ADD1: variants seen among roughly 807,000 people sequenced by gnomAD.
ADD1 encodes adducin 1.
Under a neutral mutation model 80.5 loss-of-function variants are expected in ADD1, and 24 were observed. The ratio of observed to expected loss-of-function variants is 0.30; its 90% CI spans 0.22 to 0.42. ADD1 has a LOEUF of 0.42. Among genes scored for constraint, ADD1 ranks in the 10% least tolerant of loss-of-function variants. The probability of loss-of-function intolerance (pLI) is 1.00; values close to 1 mark genes in which losing one functional copy is unlikely to be tolerated. For missense variants in ADD1, 948 were observed against 1,019.0 expected, an observed-to-expected ratio of 0.93 and a Z score of 0.95; for synonymous variants, 373 against 393.8, an observed-to-expected ratio of 0.95 and a Z score of 0.63.
At chr4:2,875,863 A>C in intron 1 of ADD1, 33 bp from the exon 2 acceptor site, 5 of 1,495,150 alleles carry the variant, frequency 3.3e-6, no homozygotes, top group Non-Finnish European at 4.5e-6. Flanking sequence ...CATTGATTTG[A>C]AAACAATAAT....
chr4:2,858,778 G>A (rs1728434013), intron 1 of ADD1, among the ~76,000 whole-genome samples: 1 of 152,174 alleles, frequency 6.6e-6, no homozygotes, highest in Admixed American at 6.5e-5. Context: ...CTTGAAACCA[G>A]GAGTTTGAGA....
chr4:2,926,873 C>G lies in ADD1; in HGVS notation c.2047+761C>G, dbSNP rs368324101. ...AGTGCTGTGCTGCCTTCAGCGGCAG[C>G]GGGTACCTCCACGCACCTAGGTGCC... On this transcript the variant is annotated intron_variant, in intron 15 of 15. Transcript: ENST00000683351. The surrounding 1 kb of genome is among the most constrained non-coding windows in gnomAD (Gnocchi z 5.0). 6.6e-6 allele frequency among the ~76,000 whole-genome samples: 1 copy of G among 152,210 alleles called. No homozygotes were observed. The highest frequency in any genetic ancestry group is 6.5e-5 in the Admixed American group (1 of 15,292).
chr4:2,846,816 T>TAA (rs761045902), intron 1 of ADD1, among the ~76,000 whole-genome samples: 2,049 of 117,558 alleles, frequency 0.017, 53 homozygotes, highest in African/African-American at 0.045. Context: ...TCTGTCTCTT[T>TAA]AAAAAAAAAA....
intron 1 of ADD1, among the ~76,000 whole-genome samples, chr4:2,872,703 T>C (rs1279977781): frequency 6.6e-6 from 1 of 152,046 alleles, no homozygotes; most frequent in Non-Finnish European, 1.5e-5. Context: ...ACTACAGGCG[T>C]GTGCCATCAC....
chr4:2,923,728 G>A (rs1406142386), intron 14 of ADD1, among the ~76,000 whole-genome samples: 13 of 152,268 alleles, frequency 8.5e-5, no homozygotes, highest in Admixed American at 3.9e-4. Flanking sequence ...CCGGGCACAT[G>A]CCCAGTGCTA....
intron 1 of ADD1, among the ~76,000 whole-genome samples, chr4:2,868,439 C>T (rs762891497): frequency 6.6e-6 from 1 of 152,316 alleles, no homozygotes; most frequent in Non-Finnish European, 1.5e-5. Context: ...GTGTCGGAGC[C>T]CCCAAGTCTG....
chr4:2,869,332 G>T (rs1296684309), intron 1 of ADD1, among the ~76,000 whole-genome samples: 1 of 152,152 alleles, frequency 6.6e-6, no homozygotes, highest in African/African-American at 2.4e-5. Flanking sequence ...AGTCCTTGGC[G>T]TTTCTTGGCT....
chr4:2,876,432 C>T (rs559728486), intron 2 of ADD1: 23 of 169,562 alleles, frequency 1.4e-4, no homozygotes, highest in South Asian at 1.3e-3. Flanking sequence ...CTGGGTGCGT[C>T]GGCTCAAGCT....
rs773949834 is a variant in ADD1, at chr4:2,928,745, G to A, written c.*222G>A. On this transcript the variant is annotated 3_prime_UTR_variant, in exon 16 of 16. Coordinates refer to ENST00000683351, the MANE Select transcript of ADD1 (RefSeq NM_001354761.2). ...TTGTCCTCTCAGAGCCTCAGCTTCT[G>A]GGGGAGACATGCTCTCCCCACAGGG... is the stretch of plus-strand genomic sequence containing the variant. 105 of 533,668 alleles carry A rather than the reference G, an allele frequency of 2.0e-4. No individual in the cohort carries two copies. In the Middle Eastern group the frequency reaches 2.8e-3, roughly 14 times the overall value. 33.1% of individuals were successfully genotyped at this position (533,668 alleles called of 1,614,324 possible). A position where few individuals can be genotyped will look rare whatever the true frequency, so the allele number is the denominator to read the frequency against.
chr4:2,884,114 A>T (rs548512967), intron 3 of ADD1, among the ~76,000 whole-genome samples: 1 of 152,310 alleles, frequency 6.6e-6, no homozygotes, highest in Admixed American at 6.5e-5. Flanking sequence ...TTTCTTCTCT[A>T]ATGTATACGT....
intron 13 of ADD1, among the ~76,000 whole-genome samples, chr4:2,911,094 A>C (rs1426568075): frequency 6.6e-6 from 1 of 152,148 alleles, no homozygotes; most frequent in African/African-American, 2.4e-5. Context: ...CTTTTGGAAC[A>C]TGGAGCTGCA....
At position 2,908,525 on chromosome 4, in the gene ADD1, A is replaced by G; in HGVS notation, c.1619A>G (p.Gln540Arg). The G allele has an allele frequency of 6.2e-7, 1 of 1,614,214 alleles. No homozygotes were observed. Among genetic ancestry groups the G allele is most frequent in the Non-Finnish European group, 8.5e-7 (1 of 1,180,012 alleles). Residue 540 changes from glutamine to arginine, a missense_variant, in exon 12 of 16, where the codon CAG becomes CGG. By Grantham distance (43) the Gln-to-Arg change is conservative (BLOSUM62 1). Coordinates refer to ENST00000683351, the MANE Select transcript of ADD1 (RefSeq NM_001354761.2). ...VQEMRNKIRE[Q>R]NLQDIKTAGP... is the part of the protein sequence containing the mutation. ...CCTTCCCACCCTCAGATCCGAGAGC[A>G]GAATTTACAGGACATTAAGACGGCT...
intron 1 of ADD1, among the ~76,000 whole-genome samples, chr4:2,858,193 G>A (rs1285700053): frequency 6.6e-6 from 1 of 152,192 alleles, no homozygotes; most frequent in Non-Finnish European, 1.5e-5. Context: ...GTCCATTACA[G>A]AATGTTCTTC....
At position 2,926,452 on chromosome 4, in the gene ADD1, CGCCGGCT is replaced by C; in HGVS notation, c.2047+344_2047+350del. ...GGTGCCCTCCGCTGTGTGAGCCACA[CGCCGGCT>C]GCCTCTCAGCCACCGTGTGTCTGTG... On this transcript the variant is annotated intron_variant, in intron 15 of 15. Coordinates refer to ENST00000683351, the MANE Select transcript of ADD1 (RefSeq NM_001354761.2). This position sits in a 1 kb window ranked among gnomAD's most constrained non-coding sequence, Gnocchi z 5.0. 1 of 698,102 alleles carries C rather than the reference CGCCGGCT, an allele frequency of 1.4e-6. No homozygotes were observed. Among genetic ancestry groups the C allele is most frequent in the Non-Finnish European group, 2.6e-6 (1 of 390,218 alleles). The allele number at this position is 698,102 out of a possible 1,614,324, so 43.2% of individuals were successfully genotyped here. A position where few individuals can be genotyped will look rare whatever the true frequency, so the allele number is the denominator to read the frequency against.
intron 6 of ADD1, among the ~76,000 whole-genome samples, chr4:2,895,233 G>A (rs1362737799): frequency 6.6e-6 from 1 of 152,120 alleles, no homozygotes; most frequent in Non-Finnish European, 1.5e-5. Flanking sequence ...TCTAGCCTGG[G>A]TGACAGAGTA....
intron 11 of ADD1, 132 bp downstream of exon 11, chr4:2,907,976 A>G (rs1577671546): frequency 4.2e-6 from 3 of 709,642 alleles, no homozygotes; most frequent in Admixed American, 2.1e-5. Flanking sequence ...CAGTGAAGCC[A>G]TCTCTTCACA....
chr4:2,864,720 C>G (rs187639042), intron 1 of ADD1, among the ~76,000 whole-genome samples: 5 of 151,866 alleles, frequency 3.3e-5, no homozygotes, highest in Admixed American at 2.6e-4. Flanking sequence ...CCTCTGGAGT[C>G]TACTCTCCAG....
intron 13 of ADD1, among the ~76,000 whole-genome samples, chr4:2,911,377 A>G (rs1010311491): frequency 3.9e-5 from 6 of 151,940 alleles, no homozygotes; most frequent in Non-Finnish European, 7.4e-5. Flanking sequence ...TTCGCAGCCC[A>G]GCCGAAGGCT....
chr4:2,898,650 A>T, intron 8 of ADD1, 119 bp downstream of exon 8: 1 of 870,356 alleles, frequency 1.1e-6, no homozygotes, highest in Non-Finnish European at 1.9e-6. Context: ...TCTTTGCCAA[A>T]GATAAGCTCA....
Sources: allele counts gnomAD v4.1 joint callset (sites outside exome capture counted in the v4.1 genomes callset), GRCh38; gene constraint gnomAD v4.1.1; non-coding constraint Gnocchi (gnomAD v3.1); transcripts MANE v1.5; gene names NCBI Gene and HGNC (gene_info 2026-07-23, HGNC 2026-07-21).